The following GPC6 variants were observed in gnomAD, a reference collection of about 807,000 sequenced individuals.
GPC6 encodes glypican 6.
Under a neutral mutation model 55.2 loss-of-function variants are expected in GPC6, and 14 were observed. That is an observed-to-expected ratio of 0.25 (90% CI 0.17 to 0.40). The LOEUF (loss-of-function observed/expected upper bound fraction) is 0.40, where lower values mean the gene tolerates loss of function less well. GPC6 is among the 10% of genes least tolerant of loss of function. The probability of loss-of-function intolerance (pLI) is 1.00; values close to 1 mark genes in which losing one functional copy is unlikely to be tolerated. For missense variants in GPC6, 641 were observed against 708.5 expected (o/e 0.90, Z 1.08); for synonymous variants, 278 against 259.6 (o/e 1.07, Z -0.68).
intron 4 of GPC6, among the ~76,000 whole-genome samples, chr13:94,212,278 G>A (rs1011368050): frequency 3.3e-5 from 5 of 152,052 alleles, no homozygotes; most frequent in Non-Finnish European, 5.9e-5. Context: ...AGCTTGGCCT[G>A]CTATGGTAGT....
chr13:93,451,159 G>C (rs1158756597), intron 1 of GPC6, among the ~76,000 whole-genome samples: 1 of 152,234 alleles, frequency 6.6e-6, no homozygotes, highest in Non-Finnish European at 1.5e-5. Flanking sequence ...TAGACAGCAT[G>C]TGGAGAGGAC....
chr13:93,507,031 C>G (rs975177664), intron 1 of GPC6, among the ~76,000 whole-genome samples: 144 of 120,090 alleles, frequency 1.2e-3, no homozygotes, highest in Admixed American at 5.5e-3. Context: ...CACTGCACTA[C>G]AGCCTGGGCG....
At chr13:93,730,959 G>A (rs9301902) in intron 2 of GPC6, among the ~76,000 whole-genome samples, 29,984 of 152,126 alleles carry the variant, frequency 0.2, 3,368 homozygotes, top group Middle Eastern at 0.28. Context: ...ACTTGAGGGC[G>A]CATTATGATA....
intron 1 of GPC6, among the ~76,000 whole-genome samples, chr13:93,389,675 A>G (rs1031424559): frequency 6.6e-6 from 1 of 152,078 alleles, no homozygotes; most frequent in African/African-American, 2.4e-5. Flanking sequence ...ACGTTTATAT[A>G]TGTATACACA....
chr13:93,917,043 A>C (rs1379210030), intron 3 of GPC6, among the ~76,000 whole-genome samples: 1 of 152,172 alleles, frequency 6.6e-6, no homozygotes, highest in Non-Finnish European at 1.5e-5. Flanking sequence ...TTCCATAATA[A>C]GTTAACAAGA....
In GPC6 at chr13:93,286,012, A is replaced by C. The variant is rs141027695; in HGVS notation, c.160+58396A>C. 3.7e-3 allele frequency among the ~76,000 whole-genome samples: 568 copies of C among 152,284 alleles called. 1 individual carries two copies. Among genetic ancestry groups the C allele is most frequent in the African/African-American group, 0.012 (507 of 41,564 alleles). On this transcript the variant is annotated intron_variant, in intron 1 of 8. Coordinates refer to ENST00000377047, the MANE Select transcript of GPC6 (RefSeq NM_005708.5). ...CAGGAAGTGTTTTCAGAGTTGTGCC[A>C]AATCTACAATTAGTCCTTGTGTTAG...
intron 3 of GPC6, among the ~76,000 whole-genome samples, chr13:93,935,054 T>C (rs1878363751): frequency 6.6e-6 from 1 of 152,202 alleles, no homozygotes; most frequent in African/African-American, 2.4e-5. Context: ...ATCTGCAGTG[T>C]TTTTACCTTT....
intron 4 of GPC6, among the ~76,000 whole-genome samples, chr13:94,119,472 G>T (rs1397841690): frequency 6.6e-6 from 1 of 152,052 alleles, no homozygotes; most frequent in Non-Finnish European, 1.5e-5. Context: ...CAGGGGTTGT[G>T]GGGGAATAGC....
At chr13:93,977,563 T>C (rs960610806) in intron 3 of GPC6, among the ~76,000 whole-genome samples, 1 of 151,792 alleles carries the variant, frequency 6.6e-6, no homozygotes. Flanking sequence ...GCTGATTTTT[T>C]TCCTTTTGAT....
chr13:93,845,480 T>C (rs1356956955), intron 3 of GPC6, among the ~76,000 whole-genome samples: 2 of 139,406 alleles, frequency 1.4e-5, no homozygotes, highest in Non-Finnish European at 3.0e-5. Context: ...ATCCCATTAC[T>C]GGGTATATAC....
intron 1 of GPC6, among the ~76,000 whole-genome samples, chr13:93,531,073 G>A (rs1237504768): frequency 3.9e-5 from 6 of 151,946 alleles, no homozygotes; most frequent in East Asian, 1.9e-4. Context: ...GGTCCTAAAC[G>A]TTGGGTTAAA....
chr13:93,622,817 A>G (rs972525469), intron 2 of GPC6, among the ~76,000 whole-genome samples: 11 of 152,288 alleles, frequency 7.2e-5, no homozygotes, highest in African/African-American at 2.2e-4. Context: ...ATTATTAACT[A>G]CAGTCACCTT....
intron 6 of GPC6, among the ~76,000 whole-genome samples, chr13:94,369,523 A>C (rs925017655): frequency 9.8e-5 from 15 of 152,350 alleles, no homozygotes; most frequent in African/African-American, 3.6e-4. Context: ...TTAGAAAACC[A>C]AAGGGAAGGT....
At chr13:93,451,751 T>A (rs1390837448) in intron 1 of GPC6, among the ~76,000 whole-genome samples, 2 of 152,234 alleles carry the variant, frequency 1.3e-5, no homozygotes, top group Admixed American at 6.5e-5. Flanking sequence ...AAATTCTTTT[T>A]AAAAATTCAA....
At chr13:93,971,984 G>T (rs1182545633) in intron 3 of GPC6, among the ~76,000 whole-genome samples, 1 of 152,200 alleles carries the variant, frequency 6.6e-6, no homozygotes, top group Admixed American at 6.5e-5. Flanking sequence ...CAGCCTGGTT[G>T]CATGACCCTG....
At chr13:93,921,478 T>C (rs1384474409) in intron 3 of GPC6, among the ~76,000 whole-genome samples, 2 of 151,946 alleles carry the variant, frequency 1.3e-5, no homozygotes, top group African/African-American at 4.8e-5. Flanking sequence ...CAGGTGGAGG[T>C]GGCTCTCAGC....
At chr13:94,015,941 C>T (rs529765666) in intron 3 of GPC6, among the ~76,000 whole-genome samples, 10 of 152,132 alleles carry the variant, frequency 6.6e-5, no homozygotes, top group Non-Finnish European at 1.5e-4. Flanking sequence ...TTTGACAGTA[C>T]ATTGTTGTTA....
intron 1 of GPC6, among the ~76,000 whole-genome samples, chr13:93,327,999 T>C (rs1486833737): frequency 6.6e-6 from 1 of 151,962 alleles, no homozygotes; most frequent in Non-Finnish European, 1.5e-5. Flanking sequence ...AAAAACAACT[T>C]TAAAAAAATG....
chr13:93,683,614 A>T (rs1310188052), intron 2 of GPC6, among the ~76,000 whole-genome samples: 3 of 152,106 alleles, frequency 2.0e-5, no homozygotes, highest in African/African-American at 7.2e-5. Context: ...TACTGTTTAT[A>T]TTTTGCCTGA....
Sources: allele counts gnomAD v4.1 joint callset (sites outside exome capture counted in the v4.1 genomes callset), GRCh38; gene constraint gnomAD v4.1.1; transcripts MANE v1.5; gene names NCBI Gene and HGNC (gene_info 2026-07-23, HGNC 2026-07-21).